KIRREL3: variants seen among roughly 807,000 people sequenced by gnomAD.
The protein encoded by KIRREL3 is kin of IRRE-like protein 3.
Under a neutral mutation model 89.7 loss-of-function variants are expected in KIRREL3, and 36 were observed. The observed-to-expected ratio is 0.40, with a 90% CI of 0.31 to 0.53. KIRREL3 has a LOEUF of 0.53. KIRREL3 is among the 20% of genes least tolerant of loss of function. The pLI, the probability that KIRREL3 is intolerant of heterozygous loss-of-function variation, is 0.49. For missense variants in KIRREL3, 864 were observed against 1,056.6 expected, an observed-to-expected ratio of 0.82 and a Z score of 2.53; for synonymous variants, 445 against 441.4, an observed-to-expected ratio of 1.01 and a Z score of -0.10.
rs1945777822 is a variant in KIRREL3 at position 126,668,693 on chromosome 11, T to TTGTCTTTC, written c.56-105782_56-105781insGAAAGACA. Among the ~76,000 whole-genome samples, 1 of 126,596 alleles carries TTGTCTTTC rather than the reference T, an allele frequency of 7.9e-6. No homozygotes were observed. Among genetic ancestry groups the TTGTCTTTC allele is most frequent in the South Asian group, 2.7e-4 (1 of 3,770 alleles). The allele number at this position is 126,596 out of a possible 152,430, so 83.1% of individuals were successfully genotyped here. On this transcript the variant is annotated intron_variant, in intron 1 of 16. Coordinates refer to ENST00000525144, the MANE Select transcript of KIRREL3 (RefSeq NM_032531.4). This position sits in a 1 kb window ranked among gnomAD's most constrained non-coding sequence, Gnocchi z 4.4. ...TAAAGAGCTGTTGGGAAGTTTCTGT[T>TTGTCTTTC]TTTCTTTCTTTCTTTCTTTCTTTCT...
At chr11:126,988,982 C>T (rs1373406224) in intron 1 of KIRREL3, among the ~76,000 whole-genome samples, 2 of 152,132 alleles carry the variant, frequency 1.3e-5, no homozygotes, top group African/African-American at 4.8e-5. Flanking sequence ...ACTAACGCAG[C>T]TCTTGGTGAA....
At chr11:126,832,533 T>C (rs1295422076) in intron 1 of KIRREL3, among the ~76,000 whole-genome samples, 1 of 152,196 alleles carries the variant, frequency 6.6e-6, no homozygotes, top group Non-Finnish European at 1.5e-5. Flanking sequence ...AGCAGGTTCC[T>C]TGCATGTTCA....
At position 126,550,659 on chromosome 11, in the gene KIRREL3, G is replaced by GA. The variant is rs796117011; in HGVS notation, c.133+12175dup. The GA allele has an allele frequency of 1.5e-3, 188 of 126,730 alleles. No homozygotes were observed. The highest frequency in any genetic ancestry group is 4.1e-3 in the Middle Eastern group (1 of 246). 7.9% of individuals were successfully genotyped at this position (126,730 alleles called of 1,614,324 possible). On this transcript the variant is annotated intron_variant, in intron 2 of 16. Transcript: ENST00000525144. This position sits in a 1 kb window ranked among gnomAD's most constrained non-coding sequence, Gnocchi z 4.9. ...GCGAAACTCCGTCTCTGTCTCGAGAGAAAAAAAAAAAAAGAATATTAGTCG... is the reference window on the plus strand; with the variant it reads ...GCGAAACTCCGTCTCTGTCTCGAGAGAAAAAAAAAAAAAAGAATATTAGTCG...
chr11:126,665,206 A>G (rs570337259), intron 1 of KIRREL3, among the ~76,000 whole-genome samples: 1 of 152,324 alleles, frequency 6.6e-6, no homozygotes, highest in South Asian at 2.1e-4. Flanking sequence ...AAACCCAAAC[A>G]CAGCTAATAG....
At chr11:126,888,322 G>C (rs1945777553) in intron 1 of KIRREL3, among the ~76,000 whole-genome samples, 1 of 152,134 alleles carries the variant, frequency 6.6e-6, no homozygotes, top group Non-Finnish European at 1.5e-5. Context: ...GCTCAGTTCA[G>C]CTCTTCTACC....
chr11:126,748,242 T>C lies in KIRREL3; in HGVS notation c.56-185330A>G, dbSNP rs1387050167. 1.3e-5 allele frequency among the ~76,000 whole-genome samples: 2 copies of C among 152,196 alleles called. No individual in the cohort carries two copies. Among genetic ancestry groups the C allele is most frequent in the Non-Finnish European group, 2.9e-5 (2 of 68,042 alleles). On this transcript the variant is annotated intron_variant, in intron 1 of 16. Transcript: ENST00000525144. The surrounding 1 kb of genome is among the most constrained non-coding windows in gnomAD (Gnocchi z 4.6). ...CTGGGTGTGCAGACAATCTCACTGT[T>C]TCACCAGCCACTTCCTTTTACTCCC...
rs755986552 is a variant in KIRREL3, at chr11:126,642,134, TG to T, written c.56-79223del. 1.4e-4 allele frequency among the ~76,000 whole-genome samples: 22 copies of T among 152,116 alleles called. No individual in the cohort carries two copies. Among genetic ancestry groups the T allele is most frequent in the Non-Finnish European group, 2.9e-4 (20 of 68,010 alleles). On this transcript the variant is annotated intron_variant, in intron 1 of 16. Coordinates refer to ENST00000525144, the MANE Select transcript of KIRREL3 (RefSeq NM_032531.4). This position sits in a 1 kb window ranked among gnomAD's most constrained non-coding sequence, Gnocchi z 4.9. ...GGAAAGGGTGGATCTCCATAACCCA[TG>T]GGAGGGGAGGGACCTCCAACAATCT...
At chr11:126,988,588 T>C (rs558276) in intron 1 of KIRREL3, 62,429 of 152,590 alleles carry the variant, frequency 0.41, 12,959 homozygotes, top group East Asian at 0.52. Context: ...GGCTCCTGAA[T>C]GGAGCAGCAG....
At chr11:126,840,979 A>G (rs1418085337) in intron 1 of KIRREL3, among the ~76,000 whole-genome samples, 1 of 152,260 alleles carries the variant, frequency 6.6e-6, no homozygotes, top group Non-Finnish European at 1.5e-5. Flanking sequence ...CATCTATAGT[A>G]AGAATGAATC....
At chr11:126,733,876 T>C (rs138477516) in intron 1 of KIRREL3, among the ~76,000 whole-genome samples, 110 of 152,310 alleles carry the variant, frequency 7.2e-4, no homozygotes, top group African/African-American at 2.5e-3. Context: ...CCCCCAGTGA[T>C]AATGGGAGGA....
chr11:126,939,936 G>C (rs545126907), intron 1 of KIRREL3, among the ~76,000 whole-genome samples: 1 of 152,220 alleles, frequency 6.6e-6, no homozygotes, highest in Non-Finnish European at 1.5e-5. Context: ...ATCATTAGGA[G>C]AAACCCAGTA....
rs752891104 is a variant in KIRREL3 at position 126,508,986 on chromosome 11, T to C, written c.433+12329A>G. On this transcript the variant is annotated intron_variant, in intron 4 of 16. Coordinates refer to ENST00000525144, the MANE Select transcript of KIRREL3 (RefSeq NM_032531.4). This position sits in a 1 kb window ranked among gnomAD's most constrained non-coding sequence, Gnocchi z 4.9. ...GTGTGGCTGAACTTAGATCTCCTCA[T>C]CCCTGCCTAGTGGGGCACATGCAGG... Among the ~76,000 whole-genome samples the C allele has an allele frequency of 2.6e-5, 4 of 152,134 alleles. No individual in the cohort carries two copies. Among genetic ancestry groups the C allele is most frequent in the Non-Finnish European group, 4.4e-5 (3 of 68,028 alleles).
rs1949470082 is a variant in KIRREL3, at chr11:126,755,678, C to G, written c.56-192766G>C. Among the ~76,000 whole-genome samples, 1 of 152,184 alleles carries G rather than the reference C, an allele frequency of 6.6e-6. No individual in the cohort carries two copies. Among genetic ancestry groups the G allele is most frequent in the Admixed American group, 6.5e-5 (1 of 15,276 alleles). On this transcript the variant is annotated intron_variant, in intron 1 of 16. Transcript: ENST00000525144. The surrounding 1 kb of genome is among the most constrained non-coding windows in gnomAD (Gnocchi z 4.3). Reference sequence around the variant, plus strand: ...CCAATTCTTGTTGCCAGAGAGCCCTCCCCTGGCAGCAATCTAATTCCAGCT... The same window carrying G: ...CCAATTCTTGTTGCCAGAGAGCCCTGCCCTGGCAGCAATCTAATTCCAGCT...
In KIRREL3 at chr11:126,981,671, T is replaced by C. The variant is rs1158649373; in HGVS notation, c.55+18784A>G. ...CGGAGGAGGTCTCAGCCACACATGC[T>C]CAGGGGGCTTTTATCAATGCACCCC... On this transcript the variant is annotated intron_variant, in intron 1 of 16. Coordinates refer to ENST00000525144, the MANE Select transcript of KIRREL3 (RefSeq NM_032531.4). The surrounding 1 kb of genome is among the most constrained non-coding windows in gnomAD (Gnocchi z 4.2). Among the ~76,000 whole-genome samples, 1 of 152,182 alleles carries C rather than the reference T, an allele frequency of 6.6e-6. No individual in the cohort carries two copies. Among genetic ancestry groups the C allele is most frequent in the African/African-American group, 2.4e-5 (1 of 41,450 alleles).
In KIRREL3 at chr11:126,812,350, G is replaced by A. The variant is rs749914162; in HGVS notation, c.55+188105C>T. On this transcript the variant is annotated intron_variant, in intron 1 of 16. Coordinates refer to ENST00000525144, the MANE Select transcript of KIRREL3 (RefSeq NM_032531.4). The surrounding 1 kb of genome is among the most constrained non-coding windows in gnomAD (Gnocchi z 5.2). ...ACGAAGTATGCTCTCCAGGCTAACC[G>A]TTGGTGGTTTAGGCAGACGGAACTC... 2.0e-5 allele frequency among the ~76,000 whole-genome samples: 3 copies of A among 152,104 alleles called. No individual in the cohort carries two copies. Among genetic ancestry groups the A allele is most frequent in the Non-Finnish European group, 2.9e-5 (2 of 68,024 alleles).
chr11:126,990,517 T>C lies in KIRREL3; in HGVS notation c.55+9938A>G, dbSNP rs1040834274. Among the ~76,000 whole-genome samples, 1 of 152,094 alleles carries C rather than the reference T, an allele frequency of 6.6e-6. No homozygotes were observed. The highest frequency in any genetic ancestry group is 1.5e-5 in the Non-Finnish European group (1 of 68,020). ...GGGACCTCCCGGGCTCTGCTCTCTC[T>C]GGGCAGGTTCAGGGCTTTGCAAGCG... On this transcript the variant is annotated intron_variant, in intron 1 of 16. Transcript: ENST00000525144. This position sits in a 1 kb window ranked among gnomAD's most constrained non-coding sequence, Gnocchi z 6.3.
chr11:126,831,072 G>T (rs1369737294), intron 1 of KIRREL3, among the ~76,000 whole-genome samples: 2 of 152,138 alleles, frequency 1.3e-5, no homozygotes, highest in African/African-American at 4.8e-5. Flanking sequence ...ATTAGCTCTT[G>T]GTTCTCAAGC....
Position 126,568,833 on chromosome 11 carries a change from G to A in KIRREL3, c.56-5921C>T, listed in dbSNP as rs933977624. ...CAAAATACCAAATTCTACCCCCCTC[G>A]TTTTTTTCTTTTTCAGATATGAAAG... On this transcript the variant is annotated intron_variant, in intron 1 of 16. Transcript: ENST00000525144. This position sits in a 1 kb window ranked among gnomAD's most constrained non-coding sequence, Gnocchi z 4.6. Among the ~76,000 whole-genome samples, 15 of 152,142 alleles carry A rather than the reference G, an allele frequency of 9.9e-5. No homozygotes were observed. The highest frequency in any genetic ancestry group is 4.2e-4 in the South Asian group (2 of 4,818).
intron 1 of KIRREL3, among the ~76,000 whole-genome samples, chr11:126,775,450 T>C (rs911400404): frequency 6.6e-6 from 1 of 152,134 alleles, no homozygotes; most frequent in African/African-American, 2.4e-5. Flanking sequence ...CCCTGTGAGA[T>C]AAATATAAGT....
Sources: allele counts gnomAD v4.1 joint callset (sites outside exome capture counted in the v4.1 genomes callset), GRCh38; gene constraint gnomAD v4.1.1; non-coding constraint Gnocchi (gnomAD v3.1); transcripts MANE v1.5; gene names NCBI Gene and HGNC (gene_info 2026-07-23, HGNC 2026-07-21).